NEU4: variants seen among roughly 807,000 people sequenced by gnomAD.
NEU4 encodes sialidase-4.
NEU4 carries 7 observed loss-of-function variants against 9.9 expected under a neutral mutation model. The ratio of observed to expected loss-of-function variants is 0.71; its 90% CI spans 0.40 to 1.33. The LOEUF (loss-of-function observed/expected upper bound fraction) is 1.33. Ranked by LOEUF, NEU4 falls within the 40% of genes most tolerant of loss-of-function variation. The pLI is 0.01. For synonymous variants in NEU4, 348 were observed against 316.9 expected (o/e 1.10, Z -1.04); for missense variants, 717 against 712.6 (o/e 1.01, Z -0.07).
Position 241,813,570 on chromosome 2 carries a change from G to A in NEU4, c.-3-912G>A, listed in dbSNP as rs190578514. On this transcript the variant is annotated intron_variant, in intron 1 of 3. Coordinates refer to ENST00000407683, the MANE Select transcript of NEU4 (RefSeq NM_001167600.3). ...GCGTGCCCCAAATGCCCCCTCACCC[G>A]GGCCCTGCCCTGGTGGGTGTTGCCT... 446 of 1,275,048 alleles carry A rather than the reference G, an allele frequency of 3.5e-4. 1 individual carries two copies. In the African/African-American group the frequency reaches 5.9e-3, roughly 17 times the overall value. The allele number at this position is 1,275,048 out of a possible 1,614,324, so 79.0% of individuals were successfully genotyped here.
intron 1 of NEU4, chr2:241,813,186 C>G (rs546496464): frequency 6.2e-6 from 2 of 323,004 alleles, no homozygotes; most frequent in Non-Finnish European, 8.9e-6. Context: ...GGGTTTTACA[C>G]GAGTGTTGCG....
chr2:241,814,175 C>A (rs376795575), intron 1 of NEU4: 9 of 637,238 alleles, frequency 1.4e-5, no homozygotes, highest in Middle Eastern at 5.0e-4. Flanking sequence ...GGCCAGCCTC[C>A]CCTGCACCCT....
chr2:241,813,302 C>G, intron 1 of NEU4: 1 of 1,034,350 alleles, frequency 9.7e-7, no homozygotes, highest in Non-Finnish European at 1.2e-6. Flanking sequence ...GTCCGGCATC[C>G]GGCCATCTCC....
Position 241,816,446 on chromosome 2 carries a change from G to GC in NEU4, c.858dup (p.Ala287ArgfsTer8). On this transcript the variant is annotated frameshift_variant, in exon 4 of 4. Transcript: ENST00000407683. LOFTEE classifies it low-confidence loss of function (END_TRUNC). ...CCAGGGCAGCATCGTGGGCTTCCCAGCCCCCGCCCCCAACAGGCCACGGGA... is the reference window on the plus strand; with the variant it reads ...CCAGGGCAGCATCGTGGGCTTCCCAGCCCCCCGCCCCCAACAGGCCACGGGA... The GC allele has an allele frequency of 6.2e-7, 1 of 1,608,146 alleles. No individual in the cohort carries two copies. Among genetic ancestry groups the GC allele is most frequent in the South Asian group, 1.1e-5 (1 of 90,456 alleles).
intron 3 of NEU4, 169 bp from the exon 4 acceptor site, chr2:241,815,882 C>T: frequency 1.4e-6 from 1 of 694,042 alleles, no homozygotes; most frequent in South Asian, 1.9e-5. Context: ...GCTTGTTCAG[C>T]CTGGGAGGAC....
At position 241,817,063 on chromosome 2, in the gene NEU4, G is replaced by T; in HGVS notation, c.*15G>T. On this transcript the variant is annotated 3_prime_UTR_variant, in exon 4 of 4. Transcript: ENST00000407683. Reference sequence around the variant, plus strand: ...GGCCCTCCTGACAGGCCTTCTGGCCGTGCCCATGCCCCTTGGGTGCCTGGG... The same window carrying T: ...GGCCCTCCTGACAGGCCTTCTGGCCTTGCCCATGCCCCTTGGGTGCCTGGG... The T allele has an allele frequency of 1.3e-6, 2 of 1,562,530 alleles. No homozygotes were observed. Among genetic ancestry groups the T allele is most frequent in the South Asian group, 1.2e-5 (1 of 81,080 alleles).
intron 1 of NEU4, chr2:241,813,573 C>A: frequency 7.8e-7 from 1 of 1,275,616 alleles, no homozygotes; most frequent in Non-Finnish European, 1.0e-6. Flanking sequence ...CTCACCCGGG[C>A]CCTGCCCTGG....
intron 2 of NEU4, 60 bp from the exon 3 acceptor site, chr2:241,814,832 C>CG (rs34954858): frequency 1.8e-4 from 280 of 1,564,972 alleles, no homozygotes; most frequent in Non-Finnish European, 2.3e-4. Flanking sequence ...GGGTGCCCTG[C>CG]GGGGGGCTGT....
intron 1 of NEU4, among the ~76,000 whole-genome samples, chr2:241,812,635 A>G (rs1241687717): frequency 2.5e-5 from 3 of 119,790 alleles, no homozygotes; most frequent in African/African-American, 9.7e-5. Flanking sequence ...TGTGGAACCC[A>G]GGGCCTGGCC....
chr2:241,814,699 C>G lies in NEU4; in HGVS notation c.201+14C>G. On this transcript the variant is annotated intron_variant, in intron 2 of 3. Coordinates refer to ENST00000407683, the MANE Select transcript of NEU4 (RefSeq NM_001167600.3). The stretch of plus-strand genomic sequence containing the variant: ...GGCTCCGTGCGGGTGAGTGAGTGGC[C>G]GGGGGCTCTGTGTGGGTGTAGTGGC... 6.5e-7 allele frequency: 1 copy of G among 1,538,630 alleles called. No homozygotes were observed. The highest frequency in any genetic ancestry group is 1.4e-5 in the African/African-American group (1 of 73,214).
chr2:241,809,319 A>C (rs868738055), intron 1 of NEU4, 45 bp downstream of exon 1: 13 of 1,140,350 alleles, frequency 1.1e-5, no homozygotes, highest in Non-Finnish European at 1.5e-5. Flanking sequence ...CTGGCGACGT[A>C]AAACTGTGTG....
Position 241,815,057 on chromosome 2 carries a change from C to T in NEU4, c.367C>T (p.Arg123Cys), listed in dbSNP as rs370244576. Residue 123 changes from arginine (R) to cysteine (C), a missense_variant, in exon 3 of 4, where the codon CGC (arginine) becomes TGC (cysteine). Physicochemically the swap from Arg to Cys is radical, Grantham distance 180 (BLOSUM62 -3). Coordinates refer to ENST00000407683, the MANE Select transcript of NEU4 (RefSeq NM_001167600.3). Reference protein sequence around the residue: ...VQIATGRNAARLCCVASRDAG... With the variant: ...VQIATGRNAACLCCVASRDAG... The stretch of plus-strand genomic sequence containing the variant: ...GATCGCCACGGGAAGGAACGCCGCG[C>T]GCCTCTGCTGTGTGGCCAGCCGTGA... 64 of 1,587,434 alleles carry T rather than the reference C, an allele frequency of 4.0e-5. No individual in the cohort carries two copies. The highest frequency in any genetic ancestry group is 4.9e-5 in the Non-Finnish European group (57 of 1,173,898).
Position 241,816,443 on chromosome 2 carries a change from C to T in NEU4, c.850C>T (p.Pro284Ser). ...CTGCCAGGGCAGCATCGTGGGCTTC[C>T]CAGCCCCCGCCCCCAACAGGCCACG... ...WGCQGSIVGF[P>S]APAPNRPRDD... The change falls in exon 4 of 4, where the codon CCA becomes TCA. Residue 284 changes from proline to serine, a missense_variant. Physicochemically the swap from Pro to Ser is moderately conservative, Grantham distance 74. Coordinates refer to ENST00000407683, the MANE Select transcript of NEU4 (RefSeq NM_001167600.3). 2 of 1,608,018 alleles carry T rather than the reference C, an allele frequency of 1.2e-6. No individual in the cohort carries two copies. The highest frequency in any genetic ancestry group is 1.7e-6 in the Non-Finnish European group (2 of 1,178,588).
At chr2:241,812,117 AC>A (rs1424536247) in intron 1 of NEU4, 1 of 128,650 alleles carries the variant, frequency 7.8e-6, no homozygotes, top group Non-Finnish European at 1.6e-5. Context: ...GTGTGTGCGG[AC>A]CCCAGAGGGT....
chr2:241,817,255 G>T lies in NEU4; in HGVS notation c.*207G>T. ...AGTGAGCAGGGCAGGGTGGGGGCAGGGTGGGGGCACGAAGTGGGCCCTGGG... is the reference window on the plus strand; with the variant it reads ...AGTGAGCAGGGCAGGGTGGGGGCAGTGTGGGGGCACGAAGTGGGCCCTGGG... On this transcript the variant is annotated 3_prime_UTR_variant, in exon 4 of 4. Coordinates refer to ENST00000407683, the MANE Select transcript of NEU4 (RefSeq NM_001167600.3). 1 of 541,150 alleles carries T rather than the reference G, an allele frequency of 1.8e-6. No individual in the cohort carries two copies. The highest frequency in any genetic ancestry group is 3.2e-5 in the East Asian group (1 of 31,456). The allele number at this position is 541,150 out of a possible 1,614,324, so 33.5% of individuals were successfully genotyped here. A position where few individuals can be genotyped will look rare whatever the true frequency, so the allele number is the denominator to read the frequency against.
In NEU4 at chr2:241,815,139, C is replaced by T; in HGVS notation, c.449C>T (p.Ala150Val). 6.4e-7 allele frequency: 1 copy of T among 1,562,702 alleles called. No individual in the cohort carries two copies. The highest frequency in any genetic ancestry group is 1.2e-5 in the South Asian group (1 of 86,624). The change falls in exon 3 of 4, where the codon GCC (alanine) becomes GTC (valine). Residue 150 changes from alanine to valine, a missense_variant. Ala to Val is a moderately conservative substitution (Grantham distance 64, BLOSUM62 0). Coordinates refer to ENST00000407683, the MANE Select transcript of NEU4 (RefSeq NM_001167600.3). ...RDLTEEAIGG[A>V]VQDWATFAVG... ...CTCACCGAGGAGGCCATCGGTGGTG[C>T]CGTGCAGGGTAGGCGGGCAGGGTGC...
intron 1 of NEU4, chr2:241,811,379 C>A (rs781640795): frequency 2.5e-5 from 37 of 1,496,084 alleles, no homozygotes; most frequent in Non-Finnish European, 3.3e-5. Context: ...GGCCTGCTGC[C>A]CGCACAGTGG....
chr2:241,812,795 C>T (rs1335484040), intron 1 of NEU4, among the ~76,000 whole-genome samples: 2 of 152,170 alleles, frequency 1.3e-5, no homozygotes, highest in African/African-American at 2.4e-5. Flanking sequence ...CTGGAGTCTC[C>T]TCCTCTCCCT....
intron 1 of NEU4, 26 bp downstream of exon 1, chr2:241,809,300 G>T: frequency 7.9e-7 from 1 of 1,269,674 alleles, no homozygotes; most frequent in Non-Finnish European, 1.0e-6. Flanking sequence ...ATAGAAATTT[G>T]GGGTCTTTCT....
Sources: gnomAD v4.1 joint callset for allele counts (sites outside exome capture counted in the v4.1 genomes callset) on GRCh38, gnomAD v4.1.1 for gene constraint, MANE v1.5 for transcripts, NCBI Gene and HGNC (gene_info 2026-07-23, HGNC 2026-07-21) for gene names.